The following TRIM72 variants were observed in gnomAD, a reference collection of about 807,000 sequenced individuals.
The protein encoded by TRIM72 is tripartite motif containing 72, also known as tripartite motif-containing protein 72.
A neutral mutation model predicts 31.6 loss-of-function variants in TRIM72; 33 were observed. The observed-to-expected ratio is 1.04, with a 90% CI of 0.79 to 1.40. TRIM72 has a LOEUF of 1.40. Ranked by LOEUF, TRIM72 falls within the 40% of genes most tolerant of loss-of-function variation. The pLI is 0.00. For synonymous variants in TRIM72, 301 were observed against 314.4 expected (o/e 0.96, Z 0.45); for missense variants, 666 against 682.7 (o/e 0.98, Z 0.27).
Position 31,215,199 on chromosome 16 carries a change from A to G in TRIM72, c.390+71A>G, listed in dbSNP as rs1466689878. The G allele has an allele frequency of 5.6e-6, 7 of 1,244,162 alleles. No individual in the cohort carries two copies. Among genetic ancestry groups the G allele is most frequent in the Non-Finnish European group, 6.1e-6 (6 of 981,584 alleles). The allele number at this position is 1,244,162 out of a possible 1,614,324, so 77.1% of individuals were successfully genotyped here. On this transcript the variant is annotated intron_variant, in intron 2 of 6. Transcript: ENST00000322122. The surrounding 1 kb of genome is among the most constrained non-coding windows in gnomAD (Gnocchi z 6.3). Reference sequence around the variant, plus strand: ...ACGGGGCCGATGGGGAGGTCGCTGCAGTGATTTGGATTCTGAGTCTCTAGA... The same window carrying G: ...ACGGGGCCGATGGGGAGGTCGCTGCGGTGATTTGGATTCTGAGTCTCTAGA...
At chr16:31,223,887 CAG>C (rs1488023621) in intron 6 of TRIM72, among the ~76,000 whole-genome samples, 1 of 152,078 alleles carries the variant, frequency 6.6e-6, no homozygotes, top group African/African-American at 2.4e-5. Context: ...GCCTGGGCGA[CAG>C]AGTGAGACCC....
Position 31,216,812 on chromosome 16 carries a change from GCACGGC to G in TRIM72, c.390+1689_390+1694del. On this transcript the variant is annotated intron_variant, in intron 2 of 6. Transcript: ENST00000322122. This position sits in a 1 kb window ranked among gnomAD's most constrained non-coding sequence, Gnocchi z 6.7. ...TCCTCCAACATGCGCATGTCGCGCA[GCACGGC>G]CACGACGAGCTCGGCTGCGTAGTCC... 6.2e-7 allele frequency: 1 copy of G among 1,612,254 alleles called. No homozygotes were observed. The highest frequency in any genetic ancestry group is 1.1e-5 in the South Asian group (1 of 91,072).
intron 4 of TRIM72, 91 bp from the exon 5 acceptor site, chr16:31,220,805 C>T: frequency 2.6e-6 from 4 of 1,519,326 alleles, no homozygotes; most frequent in Non-Finnish European, 3.7e-6. Context: ...TGACGTTGCA[C>T]TCAGCATTCC....
rs1309081076 is a variant in TRIM72 at position 31,224,745 on chromosome 16, CCG to C, written c.1425_1426del (p.Glu476GlyfsTer49). 1.3e-6 allele frequency: 2 copies of C among 1,493,604 alleles called. No individual in the cohort carries two copies. Among genetic ancestry groups the C allele is most frequent in the Admixed American group, 4.5e-5 (2 of 44,490 alleles). The allele number at this position is 1,493,604 out of a possible 1,614,324, so 92.5% of individuals were successfully genotyped here. A position where few individuals can be genotyped will look rare whatever the true frequency, so the allele number is the denominator to read the frequency against. On this transcript the variant is annotated frameshift_variant, in exon 7 of 7. Coordinates refer to ENST00000322122, the MANE Select transcript of TRIM72 (RefSeq NM_001008274.4). LOFTEE classifies it high-confidence loss of function. ...CTGCTGCTCGTGGGTCCCGAAGGCG[CCG>C]AGGCCTGAGCCGCCGGACGGGTAGT...
chr16:31,214,540 C>T (rs1019953105), intron 1 of TRIM72, among the ~76,000 whole-genome samples, 192 bp from the exon 2 acceptor site: 2 of 152,150 alleles, frequency 1.3e-5, no homozygotes, highest in Non-Finnish European at 2.9e-5. Flanking sequence ...GTGGAGGCTG[C>T]TTTTGGGCCT....
chr16:31,222,266 G>A lies in TRIM72; in HGVS notation c.741-561G>A, dbSNP rs149912335. On this transcript the variant is annotated intron_variant, in intron 5 of 6. Coordinates refer to ENST00000322122, the MANE Select transcript of TRIM72 (RefSeq NM_001008274.4). ...AAATTAGCCAGGCATGGTGGTAGGC[G>A]CCTATAATCCCAGCTACTTGGTTGG... Among the ~76,000 whole-genome samples the A allele has an allele frequency of 3.8e-3, 570 of 151,770 alleles. 2 individuals carry two copies. The highest frequency in any genetic ancestry group is 7.0e-3 in the African/African-American group (291 of 41,422).
chr16:31,221,822 GAGA>G (rs1283276910), intron 5 of TRIM72, among the ~76,000 whole-genome samples: 1 of 150,796 alleles, frequency 6.6e-6, no homozygotes. Flanking sequence ...GTATTGCTGG[GAGA>G]AGAAGGGCAT....
rs889516572 is a variant in TRIM72 at position 31,224,445 on chromosome 16, T to C, written c.1124T>C (p.Val375Ala). ...CCCCGCCGCGGGCGCCTGCACGCGG[T>C]GCCCTCGCAGGGCCTGTGGCTGCTG... ...EAPRRGRLHAVPSQGLWLLGL... is the reference protein window; with the variant it reads ...EAPRRGRLHAAPSQGLWLLGL... The change falls in exon 7 of 7, where the codon GTG becomes GCG. Residue 375 changes from valine (V) to alanine (A), a missense_variant. Transcript: ENST00000322122. 2.8e-6 allele frequency: 4 copies of C among 1,438,226 alleles called. No individual in the cohort carries two copies. Among genetic ancestry groups the C allele is most frequent in the Admixed American group, 3.2e-5 (1 of 30,906 alleles). The allele number at this position is 1,438,226 out of a possible 1,614,324, so 89.1% of individuals were successfully genotyped here.
rs1368485179 is a variant in TRIM72, at chr16:31,230,248, C to T, written c.*5493C>T. On this transcript the variant is annotated 3_prime_UTR_variant, in exon 7 of 7. Coordinates refer to ENST00000322122, the MANE Select transcript of TRIM72 (RefSeq NM_001008274.4). ...CTCCCTTTCCCAGGCATTGTGAAGA[C>T]CCTGTTTCTCTAGCTGTGCAGCTGC... 2 of 152,150 alleles carry T rather than the reference C, an allele frequency of 1.3e-5. No homozygotes were observed. Among genetic ancestry groups the T allele is most frequent in the East Asian group, 3.9e-4 (2 of 5,184 alleles). 9.4% of individuals were successfully genotyped at this position (152,150 alleles called of 1,614,324 possible).
chr16:31,215,033 C>T lies in TRIM72; in HGVS notation c.295C>T (p.Gln99Ter). 2 of 1,502,480 alleles carry T rather than the reference C, an allele frequency of 1.3e-6. No individual in the cohort carries two copies. Among genetic ancestry groups the T allele is most frequent in the Non-Finnish European group, 1.8e-6 (2 of 1,134,122 alleles). 93.1% of individuals were successfully genotyped at this position (1,502,480 alleles called of 1,614,324 possible). A position where few individuals can be genotyped will look rare whatever the true frequency, so the allele number is the denominator to read the frequency against. The change falls in exon 2 of 7, where the codon CAG becomes TAG. Residue 99 changes from glutamine (Q) to a stop codon, truncating the protein, a stop_gained. Transcript: ENST00000322122. LOFTEE classifies it high-confidence loss of function. This position sits in a 1 kb window ranked among gnomAD's most constrained non-coding sequence, Gnocchi z 6.3. The part of the protein sequence containing the change: ...HLDPLSIYCE[Q>*]DRALVCGVCA... ...GGACCCGCTGAGCATCTACTGCGAG[C>T]AGGACCGCGCGCTGGTGTGCGGAGT...
Position 31,224,645 on chromosome 16 carries a change from C to T in TRIM72, c.1324C>T (p.His442Tyr), listed in dbSNP as rs2079548436. 7 of 1,548,108 alleles carry T rather than the reference C, an allele frequency of 4.5e-6. No homozygotes were observed. The highest frequency in any genetic ancestry group is 1.2e-5 in the South Asian group (1 of 85,046). ...CGCGCTCGTGCCGCTTTTTGCCTTCCACGAGCGCCTGCCCAGGCCCGTGTA... is the reference window on the plus strand; with the variant it reads ...CGCGCTCGTGCCGCTTTTTGCCTTCTACGAGCGCCTGCCCAGGCCCGTGTA... ...ADALVPLFAF[H>Y]ERLPRPVYPF... Residue 442 changes from histidine to tyrosine, a missense_variant, in exon 7 of 7, where the codon CAC (histidine) becomes TAC (tyrosine). Coordinates refer to ENST00000322122, the MANE Select transcript of TRIM72 (RefSeq NM_001008274.4).
At chr16:31,220,589 C>T (rs1386540008) in intron 4 of TRIM72, among the ~76,000 whole-genome samples, 1 of 149,768 alleles carries the variant, frequency 6.7e-6, no homozygotes, top group African/African-American at 2.5e-5. Flanking sequence ...GTGGCTCAGC[C>T]TCCCAAGTAG....
intron 2 of TRIM72, among the ~76,000 whole-genome samples, chr16:31,218,437 T>G (rs555891310): frequency 1.3e-5 from 2 of 152,204 alleles, no homozygotes; most frequent in South Asian, 2.1e-4. Context: ...TCCCAGCACT[T>G]CGGGAGGCTG....
At chr16:31,220,864 T>C in intron 4 of TRIM72, 32 bp from the exon 5 acceptor site, 3 of 1,614,158 alleles carry the variant, frequency 1.9e-6, no homozygotes, top group Admixed American at 1.7e-5. Flanking sequence ...CACCATCGGC[T>C]TCACCACCAT....
In TRIM72 at chr16:31,219,321, G is replaced by A; in HGVS notation, c.519G>A (p.Gly173=). Residue 173 remains glycine, a synonymous_variant, in exon 4 of 7, where the codon GGG becomes GGA. Coordinates refer to ENST00000322122, the MANE Select transcript of TRIM72 (RefSeq NM_001008274.4). The surrounding 1 kb of genome is among the most constrained non-coding windows in gnomAD (Gnocchi z 4.2). ...ETVRQFRGAV[G]EQLGKMRVFL... ...TGCGTCAGTTCCGGGGGGCCGTGGG[G>A]GAGCAGCTGGGCAAGATGCGGGTGT... 1.2e-6 allele frequency: 2 copies of A among 1,614,188 alleles called. No individual in the cohort carries two copies. Among genetic ancestry groups the A allele is most frequent in the Non-Finnish European group, 1.7e-6 (2 of 1,180,026 alleles).
rs2144202011 is a variant in TRIM72, at chr16:31,225,909, A to G, written c.*1154A>G. ...AGTGATTCACCCGCCTTGGCCTCCC[A>G]TAGTGCTGGGATTACAGACATGAGC... On this transcript the variant is annotated 3_prime_UTR_variant, in exon 7 of 7. Transcript: ENST00000322122. 6.6e-6 allele frequency: 1 copy of G among 151,784 alleles called. No homozygotes were observed. Among genetic ancestry groups the G allele is most frequent in the Non-Finnish European group, 1.5e-5 (1 of 67,938 alleles). The allele number at this position is 151,784 out of a possible 1,614,324, so 9.4% of individuals were successfully genotyped here.
chr16:31,222,873 A>G lies in TRIM72; in HGVS notation c.787A>G (p.Ile263Val). ...AESPPPARLD[I>V]QLPIISDDFK... ...GTCTCCCCCACCCGCCCGTCTGGAC[A>G]TCCAGCTGCCAATTATCTCAGATGA... Residue 263 changes from isoleucine to valine, a missense_variant, in exon 6 of 7, where the codon ATC (isoleucine) becomes GTC (valine). By Grantham distance (29) the Ile-to-Val change is conservative. Coordinates refer to ENST00000322122, the MANE Select transcript of TRIM72 (RefSeq NM_001008274.4). 1 of 1,446,194 alleles carries G rather than the reference A, an allele frequency of 6.9e-7. No homozygotes were observed. The highest frequency in any genetic ancestry group is 9.1e-7 in the Non-Finnish European group (1 of 1,093,956). 89.6% of individuals were successfully genotyped at this position (1,446,194 alleles called of 1,614,324 possible).
chr16:31,217,326 G>T, intron 2 of TRIM72: 1 of 381,716 alleles, frequency 2.6e-6, no homozygotes, highest in East Asian at 4.5e-5. Flanking sequence ...CTGATTCCAT[G>T]GTCAGGCACC....
chr16:31,223,020 C>T (rs2079540941), intron 6 of TRIM72, 75 bp downstream of exon 6: 4 of 1,157,260 alleles, frequency 3.5e-6, no homozygotes, highest in Non-Finnish European at 3.7e-6. Context: ...CTGGAGAGGC[C>T]TCCCAGTCCC....
Sources: gnomAD v4.1 joint callset for allele counts (sites outside exome capture counted in the v4.1 genomes callset) on GRCh38, gnomAD v4.1.1 for gene constraint, Gnocchi (gnomAD v3.1) non-coding constraint, MANE v1.5 for transcripts, NCBI Gene and HGNC (gene_info 2026-07-23, HGNC 2026-07-21) for gene names.